The following CNIH3 variants were observed in gnomAD, a reference collection of about 807,000 sequenced individuals.
CNIH3 encodes cornichon family AMPA receptor auxiliary protein 3.
CNIH3 carries 14 observed loss-of-function variants against 24.1 expected under a neutral mutation model. The observed-to-expected ratio is 0.58, with a 90% CI of 0.38 to 0.91. CNIH3 has a LOEUF of 0.91. CNIH3 is among the 40% of genes least tolerant of loss of function. The pLI, the probability that CNIH3 is intolerant of heterozygous loss-of-function variation, is 0.00. For synonymous variants in CNIH3, 68 were observed against 73.8 expected (o/e 0.92, Z 0.40); for missense variants, 178 against 196.8 (o/e 0.90, Z 0.57).
intron 1 of CNIH3, among the ~76,000 whole-genome samples, chr1:224,623,418 C>T (rs560694114): frequency 2.6e-5 from 4 of 152,132 alleles, no homozygotes; most frequent in Non-Finnish European, 4.4e-5. Context: ...CCCAGGTACC[C>T]GGGAGCTGCT....
Position 224,518,371 on chromosome 1 carries a change from C to A in CNIH3, n.15+2495C>A, listed in dbSNP as rs12043980. Among the ~76,000 whole-genome samples the A allele has an allele frequency of 1.3e-3, 200 of 152,246 alleles. 4 individuals carry two copies. In the East Asian group the frequency reaches 0.032, roughly 25 times the overall value. On this transcript the variant is annotated intron_variant and non_coding_transcript_variant, in intron 1 of 2. Coordinates refer to the CNIH3 transcript ENST00000470602. ...TTTTTTAGAGACAAGGTCTCTGTCACCCAGTTGGAGTGCAGTGGTGCAATC... is the reference window on the plus strand; with the variant it reads ...TTTTTTAGAGACAAGGTCTCTGTCAACCAGTTGGAGTGCAGTGGTGCAATC...
exon 1 of CNIH3, chr1:224,434,725 T>G: frequency 7.1e-6 from 7 of 982,206 alleles, no homozygotes; most frequent in Non-Finnish European, 8.5e-6. Flanking sequence ...CGGAGGCAGC[T>G]GCCGCCTCTG....
At chr1:224,517,123 A>G (rs1678421330) in intron 1 of CNIH3, among the ~76,000 whole-genome samples, 1 of 151,798 alleles carries the variant, frequency 6.6e-6, no homozygotes. Flanking sequence ...ATGTGTGTTT[A>G]TCTCAGTTTC....
chr1:224,484,856 A>G (rs1308634597), intron 1 of CNIH3, among the ~76,000 whole-genome samples: 1 of 152,184 alleles, frequency 6.6e-6, no homozygotes, highest in Non-Finnish European at 1.5e-5. Flanking sequence ...AATATCTTTC[A>G]TGTATTTACT....
At chr1:224,734,772 C>T in intron 5 of CNIH3, 66 bp downstream of exon 5, 1 of 1,565,256 alleles carries the variant, frequency 6.4e-7, no homozygotes, top group Non-Finnish European at 8.8e-7. Flanking sequence ...TCAGGCTGGC[C>T]TCTGGGAGGC....
At chr1:224,573,558 A>C (rs1202876146) in intron 4 of CNIH3, among the ~76,000 whole-genome samples, 1 of 152,232 alleles carries the variant, frequency 6.6e-6, no homozygotes, top group Non-Finnish European at 1.5e-5. Context: ...TCTAAGGCAG[A>C]ATAAGGAAAA....
downstream of CNIH3, among the ~76,000 whole-genome samples, chr1:224,538,809 C>T (rs2124944584): frequency 6.6e-6 from 1 of 150,732 alleles, no homozygotes; most frequent in South Asian, 2.1e-4. Context: ...ACAGGAATGG[C>T]CACCTAGCCC....
chr1:224,551,062 A>G (rs1309706276), intron 3 of CNIH3, among the ~76,000 whole-genome samples: 2 of 152,106 alleles, frequency 1.3e-5, no homozygotes, highest in East Asian at 3.8e-4. Flanking sequence ...TTAAAAAGTC[A>G]GGAAACAACA....
At chr1:224,710,075 G>A (rs919099290) in intron 3 of CNIH3, among the ~76,000 whole-genome samples, 4 of 152,160 alleles carry the variant, frequency 2.6e-5, no homozygotes, top group African/African-American at 9.7e-5. Context: ...CTCTCAAAGT[G>A]TCTTATTGTA....
intron 1 of CNIH3, among the ~76,000 whole-genome samples, chr1:224,455,374 A>G (rs894780869): frequency 1.3e-5 from 2 of 152,186 alleles, no homozygotes; most frequent in East Asian, 3.9e-4. Context: ...CATCCTCAGG[A>G]TACACATAGA....
intron 1 of CNIH3, among the ~76,000 whole-genome samples, chr1:224,680,613 A>T (rs1401082663): frequency 6.6e-6 from 1 of 152,228 alleles, no homozygotes; most frequent in Non-Finnish European, 1.5e-5. Context: ...TCTTCCTGGA[A>T]GGAAAGGGGC....
intron 1 of CNIH3, among the ~76,000 whole-genome samples, chr1:224,642,863 G>A (rs137906070): frequency 8.1e-4 from 124 of 152,352 alleles, no homozygotes; most frequent in African/African-American, 2.8e-3. Flanking sequence ...GAAGTAAGAT[G>A]CGAGAGAGCT....
intron 3 of CNIH3, among the ~76,000 whole-genome samples, chr1:224,722,307 A>G (rs889275842): frequency 1.3e-5 from 2 of 152,178 alleles, no homozygotes; most frequent in East Asian, 3.9e-4. Context: ...ATGCTCTGAA[A>G]AATGCAGATT....
At chr1:224,600,211 C>T (rs1171320086) in intron 3 of CNIH3, among the ~76,000 whole-genome samples, 20 of 141,104 alleles carry the variant, frequency 1.4e-4, no homozygotes, top group African/African-American at 5.1e-4. Context: ...TTTTTTGAGA[C>T]GTAGTTTCAC....
chr1:224,739,586 C>A lies in CNIH3; in HGVS notation c.*230C>A. 1 of 739,596 alleles carries A rather than the reference C, an allele frequency of 1.4e-6. No homozygotes were observed. Among genetic ancestry groups the A allele is most frequent in the Non-Finnish European group, 2.2e-6 (1 of 464,496 alleles). 45.8% of individuals were successfully genotyped at this position (739,596 alleles called of 1,614,324 possible). On this transcript the variant is annotated 3_prime_UTR_variant, in exon 6 of 6. Coordinates refer to ENST00000272133, the MANE Select transcript of CNIH3 (RefSeq NM_152495.2). ...ATCTTTGGCATTCGAATTCCACACA[C>A]GGGGTCCTAGAGCCCTTCTGAGCAT...
At chr1:224,523,682 A>C (rs1156843117) in intron 2 of CNIH3, among the ~76,000 whole-genome samples, 1 of 152,184 alleles carries the variant, frequency 6.6e-6, no homozygotes, top group Non-Finnish European at 1.5e-5. Context: ...TGATCTCTGC[A>C]CTTCTCTATA....
At chr1:224,469,165 T>C (rs1034379994) in intron 1 of CNIH3, among the ~76,000 whole-genome samples, 1 of 152,024 alleles carries the variant, frequency 6.6e-6, no homozygotes, top group African/African-American at 2.4e-5. Flanking sequence ...ACTGCAGCCT[T>C]TACTTTCTGG....
intron 3 of CNIH3, among the ~76,000 whole-genome samples, chr1:224,714,648 A>G (rs995348135): frequency 1.4e-4 from 21 of 152,182 alleles, no homozygotes; most frequent in African/African-American, 4.8e-4. Context: ...GGCCCTGAAT[A>G]ATGTCTGTTG....
chr1:224,592,581 C>T (rs1185009888), downstream of CNIH3, among the ~76,000 whole-genome samples: 6 of 152,096 alleles, frequency 3.9e-5, no homozygotes, highest in South Asian at 2.1e-4. Context: ...TCACATCTGA[C>T]GGGAAAGCTC....
Sources: allele counts gnomAD v4.1 joint callset (sites outside exome capture counted in the v4.1 genomes callset), GRCh38; gene constraint gnomAD v4.1.1; transcripts MANE v1.5; gene names NCBI Gene and HGNC (gene_info 2026-07-23, HGNC 2026-07-21).